HPCAL1: variants seen among roughly 807,000 people sequenced by gnomAD.
HPCAL1 encodes the protein hippocalcin-like protein 1.
HPCAL1 carries 8 observed loss-of-function variants against 17.1 expected under a neutral mutation model. That is an observed-to-expected ratio of 0.47 (90% confidence interval 0.27 to 0.84). HPCAL1 has a LOEUF of 0.84. Among genes scored for constraint, HPCAL1 ranks in the 40% least tolerant of loss-of-function variants. The probability of loss-of-function intolerance (pLI) is 0.13; values close to 1 mark genes in which losing one functional copy is unlikely to be tolerated. For synonymous variants in HPCAL1, 112 were observed against 111.4 expected, an observed-to-expected ratio of 1.01 and a Z score of -0.03; for missense variants, 165 against 271.1, an observed-to-expected ratio of 0.61 and a Z score of 2.75.
chr2:10,349,529 C>T (rs903587587), intron 1 of HPCAL1, among the ~76,000 whole-genome samples: 2 of 151,410 alleles, frequency 1.3e-5, no homozygotes, highest in Non-Finnish European at 2.9e-5. Context: ...CGGTGAAACC[C>T]TGTCTCTACT....
chr2:10,412,399 G>C (rs1446695628), intron 2 of HPCAL1, among the ~76,000 whole-genome samples: 1 of 152,358 alleles, frequency 6.6e-6, no homozygotes, highest in South Asian at 2.1e-4. Context: ...GCCTGGTTGA[G>C]AAATGCTTTA....
chr2:10,427,127 G>A lies in HPCAL1; in HGVS notation c.*306G>A. On this transcript the variant is annotated 3_prime_UTR_variant, in exon 5 of 5. Transcript: ENST00000307845. ...CGGGGAGCTCAGAGGTCCATGCCGA[G>A]GAGACCAGGCAGGACCTCCCGAGGC... 1 of 368,394 alleles carries A rather than the reference G, an allele frequency of 2.7e-6. No homozygotes were observed. Among genetic ancestry groups the A allele is most frequent in the South Asian group, 2.9e-5 (1 of 34,982 alleles). 22.8% of individuals were successfully genotyped at this position (368,394 alleles called of 1,614,324 possible). A position where few individuals can be genotyped will look rare whatever the true frequency, so the allele number is the denominator to read the frequency against.
intron 1 of HPCAL1, among the ~76,000 whole-genome samples, chr2:10,391,126 C>G (rs1477307351): frequency 6.6e-6 from 1 of 152,226 alleles, no homozygotes; most frequent in Non-Finnish European, 1.5e-5. Flanking sequence ...ATGGTGGGCA[C>G]TCGGCCTAGG....
intron 1 of HPCAL1, among the ~76,000 whole-genome samples, chr2:10,347,459 C>T (rs1047605158): frequency 2.0e-5 from 3 of 152,180 alleles, no homozygotes; most frequent in Non-Finnish European, 2.9e-5. Flanking sequence ...ATGTGGACCA[C>T]GGTGGGGCAA....
intron 1 of HPCAL1, among the ~76,000 whole-genome samples, chr2:10,355,033 A>AG (rs1666055487): frequency 6.6e-6 from 1 of 152,238 alleles, no homozygotes; most frequent in African/African-American, 2.4e-5. Flanking sequence ...AAGGACAGGA[A>AG]GCAAAGTGGG....
chr2:10,417,777 C>T (rs1362194588), intron 2 of HPCAL1, among the ~76,000 whole-genome samples: 1 of 151,892 alleles, frequency 6.6e-6, no homozygotes, highest in Non-Finnish European at 1.5e-5. Context: ...CATCTTGGCT[C>T]ACGGCTGTAG....
intron 3 of HPCAL1, 143 bp from the exon 4 acceptor site, chr2:10,422,840 T>C (rs1055466187): frequency 8.1e-6 from 5 of 617,912 alleles, no homozygotes; most frequent in Non-Finnish European, 1.5e-5. Flanking sequence ...GGGAACATTC[T>C]CCCCACTGGG....
At chr2:10,387,573 T>C (rs1668397723) in intron 1 of HPCAL1, among the ~76,000 whole-genome samples, 2 of 152,212 alleles carry the variant, frequency 1.3e-5, no homozygotes, top group Non-Finnish European at 2.9e-5. Context: ...GCATTCCTGT[T>C]GGTCCTTTGT....
At chr2:10,398,759 C>T (rs982031419) in intron 2 of HPCAL1, among the ~76,000 whole-genome samples, 12 of 152,170 alleles carry the variant, frequency 7.9e-5, no homozygotes, top group African/African-American at 2.7e-4. Context: ...GCGATTTCTC[C>T]TTCCGCTTTC....
In HPCAL1 at chr2:10,419,646, C is replaced by T. The variant is rs1670908006; in HGVS notation, c.-24-88C>T. 2 of 1,321,032 alleles carry T rather than the reference C, an allele frequency of 1.5e-6. No individual in the cohort carries two copies. Among genetic ancestry groups the T allele is most frequent in the East Asian group, 4.8e-5 (2 of 41,508 alleles). The allele number at this position is 1,321,032 out of a possible 1,614,324, so 81.8% of individuals were successfully genotyped here. On this transcript the variant is annotated intron_variant, in intron 2 of 4. Coordinates refer to ENST00000307845, the MANE Select transcript of HPCAL1 (RefSeq NM_002149.4). This position sits in a 1 kb window ranked among gnomAD's most constrained non-coding sequence, Gnocchi z 5.0. The stretch of plus-strand genomic sequence containing the variant: ...TTGCTGAGTCGCAGCGCTTGCACAG[C>T]GATGGGCTTATTTGGTCTCTCCGGC...
At chr2:10,313,807 G>A (rs1295033703) in intron 1 of HPCAL1, among the ~76,000 whole-genome samples, 1 of 152,236 alleles carries the variant, frequency 6.6e-6, no homozygotes, top group Admixed American at 6.5e-5. Flanking sequence ...AGCAAAGAGA[G>A]AATTTTCCTA....
intron 2 of HPCAL1, among the ~76,000 whole-genome samples, chr2:10,401,011 G>T (rs937656073): frequency 6.6e-6 from 1 of 152,224 alleles, no homozygotes; most frequent in African/African-American, 2.4e-5. Context: ...CCATCTGGTT[G>T]GGAGATGCCA....
rs1226185608 is a variant in HPCAL1 at position 10,342,317 on chromosome 2, G to A, written c.-111+39140G>A. On this transcript the variant is annotated intron_variant, in intron 1 of 4. Coordinates refer to ENST00000307845, the MANE Select transcript of HPCAL1 (RefSeq NM_002149.4). This position sits in a 1 kb window ranked among gnomAD's most constrained non-coding sequence, Gnocchi z 4.1. ...CCGAGGTGGGGACCCTGCCTCGCCC[G>A]CCTCCAGGGGCACACTGCATTCTTT... Among the ~76,000 whole-genome samples, 2 of 152,174 alleles carry A rather than the reference G, an allele frequency of 1.3e-5. No individual in the cohort carries two copies. The highest frequency in any genetic ancestry group is 6.5e-5 in the Admixed American group (1 of 15,278).
At chr2:10,398,648 G>C (rs1165897349) in intron 2 of HPCAL1, among the ~76,000 whole-genome samples, 3 of 152,052 alleles carry the variant, frequency 2.0e-5, no homozygotes, top group Admixed American at 6.5e-5. Flanking sequence ...GTGTTTCCAG[G>C]GCAAAGTGAG....
chr2:10,410,462 A>ATTTTC (rs1670288907), intron 2 of HPCAL1, among the ~76,000 whole-genome samples: 1 of 9,188 alleles, frequency 1.1e-4, no homozygotes, highest in African/African-American at 2.2e-4. Context: ...TTTTTTTTTT[A>ATTTTC]CAATTCAGCA....
At chr2:10,422,198 G>T (rs1201473305) in intron 3 of HPCAL1, among the ~76,000 whole-genome samples, 1 of 152,204 alleles carries the variant, frequency 6.6e-6, no homozygotes, top group African/African-American at 2.4e-5. Context: ...TGGCCGGCTG[G>T]GTGGTGTTTC....
At chr2:10,403,926 C>T (rs1669804230) in intron 2 of HPCAL1, among the ~76,000 whole-genome samples, 1 of 152,120 alleles carries the variant, frequency 6.6e-6, no homozygotes, top group Non-Finnish European at 1.5e-5. Context: ...GGTCTGAATT[C>T]CTAAGTTTCG....
intron 1 of HPCAL1, among the ~76,000 whole-genome samples, chr2:10,388,876 C>T (rs754859611): frequency 3.9e-5 from 6 of 152,064 alleles, no homozygotes; most frequent in African/African-American, 1.2e-4. Flanking sequence ...ACCCTCACTC[C>T]GAGTAGGATG....
chr2:10,325,517 C>T (rs936393255), intron 1 of HPCAL1, among the ~76,000 whole-genome samples: 2 of 152,158 alleles, frequency 1.3e-5, no homozygotes, highest in Non-Finnish European at 2.9e-5. Flanking sequence ...TGCCTCTCTG[C>T]TTGTCCCCAC....
Sources: gnomAD v4.1 joint callset for allele counts (sites outside exome capture counted in the v4.1 genomes callset) on GRCh38, gnomAD v4.1.1 for gene constraint, Gnocchi (gnomAD v3.1) non-coding constraint, MANE v1.5 for transcripts, NCBI Gene and HGNC (gene_info 2026-07-23, HGNC 2026-07-21) for gene names.